Variants in NRXN3 observed in about 807,000 individuals in gnomAD.
The protein encoded by NRXN3 is neurexin 3.
A neutral mutation model predicts 137.6 loss-of-function variants in NRXN3; 32 were observed. The ratio of observed to expected loss-of-function variants is 0.23; its 90% confidence interval spans 0.18 to 0.31. The LOEUF is 0.31. NRXN3 is among the 10% of genes least tolerant of loss of function. The pLI is 1.00. For synonymous variants in NRXN3, 798 were observed against 784.5 expected (o/e 1.02, Z -0.29); for missense variants, 1,574 against 2,062.5 (o/e 0.76, Z 4.59).
At chr14:78,172,625 A>G (rs1249170114) in intron 1 of NRXN3, among the ~76,000 whole-genome samples, 1 of 152,044 alleles carries the variant, frequency 6.6e-6, no homozygotes, top group African/African-American at 2.4e-5. Flanking sequence ...CCTGAGGTTC[A>G]TCCTGCGAGT....
At chr14:79,086,854 C>T (rs1389330236) in intron 15 of NRXN3, among the ~76,000 whole-genome samples, 1 of 152,158 alleles carries the variant, frequency 6.6e-6, no homozygotes, top group Non-Finnish European at 1.5e-5. Context: ...GCAAAGGTTA[C>T]TTTTACAGTT....
intron 16 of NRXN3, among the ~76,000 whole-genome samples, chr14:79,598,862 T>C (rs998452178): frequency 6.6e-6 from 1 of 152,182 alleles, no homozygotes; most frequent in Admixed American, 6.5e-5. Context: ...TATCAAATGC[T>C]GCTTCCCTGA....
At chr14:78,320,240 G>A (rs753764350) in intron 4 of NRXN3, among the ~76,000 whole-genome samples, 6 of 152,168 alleles carry the variant, frequency 3.9e-5, no homozygotes, top group Non-Finnish European at 5.9e-5. Flanking sequence ...CACTTGGGAG[G>A]GGGTTTCTTC....
chr14:79,487,508 A>G (rs1450744860), intron 16 of NRXN3, among the ~76,000 whole-genome samples: 4 of 152,096 alleles, frequency 2.6e-5, no homozygotes, highest in African/African-American at 9.7e-5. Context: ...GAAAATTGTT[A>G]CTCAAAACCC....
chr14:78,361,805 G>A (rs907453844), intron 4 of NRXN3, among the ~76,000 whole-genome samples: 5 of 152,102 alleles, frequency 3.3e-5, no homozygotes, highest in East Asian at 1.9e-4. Flanking sequence ...TTCCTAAAAC[G>A]GCTCCCTTTA....
chr14:79,826,451 T>A (rs528046012), intron 20 of NRXN3, among the ~76,000 whole-genome samples: 1 of 152,230 alleles, frequency 6.6e-6, no homozygotes. Flanking sequence ...TGAGTGTACA[T>A]GCACACATGA....
intron 7 of NRXN3, among the ~76,000 whole-genome samples, chr14:78,710,391 TAGTC>T (rs1017675045): frequency 2.0e-5 from 3 of 149,456 alleles, no homozygotes; most frequent in African/African-American, 7.3e-5. Context: ...TGGGGCAAAA[TAGTC>T]AGGGGTTTTT....
chr14:79,014,508 T>C (rs2099576054), intron 15 of NRXN3, among the ~76,000 whole-genome samples: 1 of 152,216 alleles, frequency 6.6e-6, no homozygotes, highest in Non-Finnish European at 1.5e-5. Context: ...CTACTATTGA[T>C]GGGCATTTAG....
intron 10 of NRXN3, among the ~76,000 whole-genome samples, chr14:78,864,878 T>C (rs1027257153): frequency 1.3e-5 from 2 of 152,168 alleles, no homozygotes; most frequent in African/African-American, 4.8e-5. Flanking sequence ...TCAGCTGCTT[T>C]CCTCTAGTTC....
At chr14:79,706,831 C>G (rs904039955) in intron 19 of NRXN3, among the ~76,000 whole-genome samples, 3 of 152,206 alleles carry the variant, frequency 2.0e-5, no homozygotes, top group African/African-American at 7.2e-5. Flanking sequence ...CCCTGAACAT[C>G]TGCTTCTTAG....
chr14:79,359,450 T>A (rs1458919582), intron 15 of NRXN3, among the ~76,000 whole-genome samples: 3 of 152,168 alleles, frequency 2.0e-5, no homozygotes, highest in Non-Finnish European at 4.4e-5. Flanking sequence ...TAGTACAGTG[T>A]ATGGGCTGGC....
At chr14:78,707,402 C>T (rs551063967) in intron 6 of NRXN3, among the ~76,000 whole-genome samples, 10 of 152,258 alleles carry the variant, frequency 6.6e-5, no homozygotes, top group South Asian at 2.1e-4. Context: ...TTTATGGATA[C>T]GACATTGCTC....
At chr14:79,585,722 A>T (rs1025125190) in intron 16 of NRXN3, among the ~76,000 whole-genome samples, 16 of 150,854 alleles carry the variant, frequency 1.1e-4, no homozygotes, top group Non-Finnish European at 2.2e-4. Context: ...ACTTTGATAA[A>T]TAAAATATAA....
chr14:78,960,864 A>G (rs999842508), intron 11 of NRXN3, among the ~76,000 whole-genome samples: 1 of 152,218 alleles, frequency 6.6e-6, no homozygotes, highest in African/African-American at 2.4e-5. Flanking sequence ...TGTATTTCTC[A>G]TAGTAATTTT....
intron 16 of NRXN3, among the ~76,000 whole-genome samples, chr14:79,524,194 C>T (rs1260836397): frequency 6.6e-6 from 1 of 152,142 alleles, no homozygotes; most frequent in Non-Finnish European, 1.5e-5. Context: ...TGGCAGTGGA[C>T]TTGCTTTGTG....
intron 4 of NRXN3, among the ~76,000 whole-genome samples, chr14:78,621,927 G>T (rs1483138496): frequency 6.6e-6 from 1 of 152,124 alleles, no homozygotes; most frequent in Non-Finnish European, 1.5e-5. Context: ...TACATAGAGG[G>T]TATTAGTACC....
chr14:79,556,460 C>T (rs1475612905), intron 16 of NRXN3, among the ~76,000 whole-genome samples: 3 of 152,092 alleles, frequency 2.0e-5, no homozygotes, highest in African/African-American at 4.8e-5. Flanking sequence ...CATATAATTC[C>T]ATGCCTCTGT....
chr14:79,377,318 A>C (rs1354216676), intron 15 of NRXN3, among the ~76,000 whole-genome samples: 1 of 152,208 alleles, frequency 6.6e-6, no homozygotes, highest in Non-Finnish European at 1.5e-5. Flanking sequence ...GAGAAAGTAC[A>C]ACCCCTGGTA....
At chr14:78,723,356 TC>T (rs1222069047) in intron 8 of NRXN3, among the ~76,000 whole-genome samples, 2 of 152,204 alleles carry the variant, frequency 1.3e-5, no homozygotes, top group African/African-American at 4.8e-5. Flanking sequence ...AGGGGCAATG[TC>T]AATAGGACTT....
Sources: allele counts gnomAD v4.1 joint callset (sites outside exome capture counted in the v4.1 genomes callset), GRCh38; gene constraint gnomAD v4.1.1; transcripts MANE v1.5; gene names NCBI Gene and HGNC (gene_info 2026-07-23, HGNC 2026-07-21).